PLPPR1: variants seen among roughly 807,000 people sequenced by gnomAD.
PLPPR1 encodes the protein phospholipid phosphatase related 1.
Under a neutral mutation model 33.1 loss-of-function variants are expected in PLPPR1, and 10 were observed. The observed-to-expected ratio is 0.30, with a 90% CI of 0.19 to 0.51. PLPPR1 has a LOEUF of 0.51. PLPPR1 is among the 20% of genes least tolerant of loss of function. The pLI is 0.97. For missense variants in PLPPR1, 304 were observed against 408.1 expected, an observed-to-expected ratio of 0.74 and a Z score of 2.20; for synonymous variants, 151 against 151.0, an observed-to-expected ratio of 1.00 and a Z score of 0.00.
chr9:101,238,164 T>C (rs1463859377), intron 2 of PLPPR1, among the ~76,000 whole-genome samples: 1 of 137,606 alleles, frequency 7.3e-6, no homozygotes, highest in African/African-American at 2.6e-5. Context: ...TATACACACA[T>C]ATATATACCC....
At chr9:101,230,552 C>G (rs1402123099) in intron 2 of PLPPR1, among the ~76,000 whole-genome samples, 1 of 152,106 alleles carries the variant, frequency 6.6e-6, no homozygotes, top group Non-Finnish European at 1.5e-5. Flanking sequence ...TCTGTTCCTT[C>G]TGTGTGGAAA....
intron 1 of PLPPR1, among the ~76,000 whole-genome samples, chr9:101,167,133 T>C (rs1337405068): frequency 1.7e-5 from 2 of 116,518 alleles, no homozygotes; most frequent in Admixed American, 8.7e-5. Flanking sequence ...TCTGTCTTTA[T>C]GTCTCTCGGT....
At chr9:101,169,824 G>T (rs1193330033) in intron 1 of PLPPR1, among the ~76,000 whole-genome samples, 2 of 151,452 alleles carry the variant, frequency 1.3e-5, no homozygotes, top group Admixed American at 6.6e-5. Flanking sequence ...AATGTGTTCT[G>T]GTTTACATTT....
intron 1 of PLPPR1, among the ~76,000 whole-genome samples, chr9:101,109,753 A>G (rs1368703979): frequency 2.0e-5 from 3 of 152,160 alleles, no homozygotes; most frequent in African/African-American, 4.8e-5. Context: ...TCTTGGGTAT[A>G]TTCCTTTTTT....
At chr9:101,082,375 G>A (rs1588020558) in intron 1 of PLPPR1, among the ~76,000 whole-genome samples, 1 of 152,036 alleles carries the variant, frequency 6.6e-6, no homozygotes, top group Admixed American at 6.6e-5. Context: ...GAGTGAGGGG[G>A]TGTTGGGGTA....
At chr9:101,247,742 C>A (rs754120434) in intron 2 of PLPPR1, among the ~76,000 whole-genome samples, 1 of 151,978 alleles carries the variant, frequency 6.6e-6, no homozygotes, top group African/African-American at 2.4e-5. Flanking sequence ...TAGTCTGGAG[C>A]GCTGATTTTT....
At chr9:101,256,544 C>G (rs2118873265) in intron 2 of PLPPR1, among the ~76,000 whole-genome samples, 1 of 152,254 alleles carries the variant, frequency 6.6e-6, no homozygotes, top group Admixed American at 6.5e-5. Context: ...ACCCAGAGAT[C>G]CAAAAGGGAT....
At chr9:101,210,594 A>ATTTATGTTGATCAAT (rs975551626) in intron 2 of PLPPR1, among the ~76,000 whole-genome samples, 1 of 152,160 alleles carries the variant, frequency 6.6e-6, no homozygotes, top group African/African-American at 2.4e-5. Context: ...GATTTGACAC[A>ATTTATGTTGATCAAT]TTTATGTTGA....
At chr9:101,238,611 T>C (rs982189965) in intron 2 of PLPPR1, among the ~76,000 whole-genome samples, 1 of 151,486 alleles carries the variant, frequency 6.6e-6, no homozygotes, top group Admixed American at 6.6e-5. Context: ...AGTGGATTAA[T>C]AGACATTGGA....
intron 4 of PLPPR1, among the ~76,000 whole-genome samples, chr9:101,300,367 C>T (rs1354940707): frequency 1.3e-5 from 2 of 152,152 alleles, no homozygotes; most frequent in Non-Finnish European, 2.9e-5. Context: ...TTTGCAGAGA[C>T]AGGGTCTCCC....
intron 1 of PLPPR1, among the ~76,000 whole-genome samples, chr9:101,158,929 G>A (rs1223232723): frequency 6.6e-6 from 1 of 152,176 alleles, no homozygotes; most frequent in African/African-American, 2.4e-5. Flanking sequence ...CTGAGTGAAT[G>A]GAGGCATGGC....
At chr9:101,079,274 GA>G (rs1479599927) in intron 1 of PLPPR1, among the ~76,000 whole-genome samples, 1 of 152,152 alleles carries the variant, frequency 6.6e-6, no homozygotes, top group East Asian at 1.9e-4. Context: ...TCATCCTGGA[GA>G]TTCTCTTTTC....
chr9:101,266,162 C>T (rs1439110667), intron 2 of PLPPR1, among the ~76,000 whole-genome samples: 5 of 151,790 alleles, frequency 3.3e-5, no homozygotes, highest in Admixed American at 1.3e-4. Flanking sequence ...CGCGGTGGCT[C>T]ACGCCTGTAA....
chr9:101,042,780 G>C (rs1830091300), intron 1 of PLPPR1, among the ~76,000 whole-genome samples: 1 of 152,032 alleles, frequency 6.6e-6, no homozygotes, highest in South Asian at 2.1e-4. Flanking sequence ...TTTAAAATGG[G>C]AATTAAAAAT....
chr9:101,203,718 T>TTATATAGATATGTTATATACCTATCTATA (rs1826535563), intron 2 of PLPPR1, among the ~76,000 whole-genome samples: 1 of 144,982 alleles, frequency 6.9e-6, no homozygotes. Flanking sequence ...TATATACACA[T>TTATATAGATATGTTATATACCTATCTATA]TATATAGATA....
intron 3 of PLPPR1, among the ~76,000 whole-genome samples, chr9:101,275,334 G>T (rs182515928): frequency 1.6e-3 from 246 of 152,336 alleles, no homozygotes; most frequent in African/African-American, 5.7e-3. Flanking sequence ...AGAAATGCTT[G>T]AGGGGAAAGA....
chr9:101,302,978 TTTG>T (rs1564032061), intron 4 of PLPPR1, among the ~76,000 whole-genome samples: 1 of 152,196 alleles, frequency 6.6e-6, no homozygotes, highest in Admixed American at 6.5e-5. Context: ...ACAGTTTATT[TTTG>T]TTGTTATTTT....
intron 3 of PLPPR1, among the ~76,000 whole-genome samples, chr9:101,274,482 A>T (rs910801428): frequency 6.6e-6 from 1 of 152,226 alleles, no homozygotes; most frequent in African/African-American, 2.4e-5. Flanking sequence ...TGCAGCTGAT[A>T]GGTCAATGGC....
chr9:101,071,976 G>A (rs1403859350), intron 1 of PLPPR1, among the ~76,000 whole-genome samples: 1 of 152,110 alleles, frequency 6.6e-6, no homozygotes, highest in African/African-American at 2.4e-5. Flanking sequence ...TCTATTCAGT[G>A]TATCTATGAA....
Sources: allele counts gnomAD v4.1 joint callset (sites outside exome capture counted in the v4.1 genomes callset), GRCh38; gene constraint gnomAD v4.1.1; transcripts MANE v1.5; gene names NCBI Gene and HGNC (gene_info 2026-07-23, HGNC 2026-07-21).